Variants in EYS observed in about 807,000 individuals in gnomAD.
The protein encoded by EYS is EGF-like photoreceptor maintenance factor.
EYS carries 250 observed loss-of-function variants against 282.1 expected under a neutral mutation model. The ratio of observed to expected loss-of-function variants is 0.89; its 90% CI spans 0.80 to 0.98. The LOEUF (loss-of-function observed/expected upper bound fraction) is 0.98, where lower values mean the gene tolerates loss of function less well. Ranked by LOEUF, EYS falls within the 50% of genes least tolerant of loss-of-function variation. EYS has a pLI of 0.00. For synonymous variants in EYS, 1,355 were observed against 1,282.9 expected (o/e 1.06, Z -1.20); for missense variants, 4,016 against 3,709.0 (o/e 1.08, Z -2.15).
chr6:65,336,636 A>G (rs1476577661), intron 10 of EYS, among the ~76,000 whole-genome samples: 1 of 151,590 alleles, frequency 6.6e-6, no homozygotes, highest in African/African-American at 2.4e-5. Context: ...TTTATCCTTC[A>G]GTGGTTTACT....
chr6:65,274,590 C>T lies in EYS; in HGVS notation c.2023+21273G>A, dbSNP rs1582089507. Among the ~76,000 whole-genome samples the T allele has an allele frequency of 2.6e-5, 4 of 152,212 alleles. No homozygotes were observed. The South Asian group carries it at 8.3e-4, about 32-fold the overall frequency. On this transcript the variant is annotated intron_variant, in intron 12 of 42. Coordinates refer to ENST00000503581, the MANE Select transcript of EYS (RefSeq NM_001142800.2). ...CCAGAAGTATACTTTTTCTGTTTTA[C>T]CTCAGGGTTATAAAAATTCTTCAGG... is the stretch of plus-strand genomic sequence containing the variant.
intron 8 of EYS, among the ~76,000 whole-genome samples, chr6:65,378,202 C>A (rs869269046): frequency 6.6e-6 from 1 of 152,076 alleles, no homozygotes; most frequent in East Asian, 1.9e-4. Context: ...AAACAATCAA[C>A]CTCATCAAAA....
intron 31 of EYS, among the ~76,000 whole-genome samples, chr6:64,127,227 CA>C (rs1479673233): frequency 1.3e-5 from 2 of 152,104 alleles, no homozygotes; most frequent in Admixed American, 6.6e-5. Flanking sequence ...ACAGATTCAA[CA>C]TTAGTTACAT....
At chr6:65,073,537 T>C (rs1385558065) in intron 12 of EYS, among the ~76,000 whole-genome samples, 2 of 151,844 alleles carry the variant, frequency 1.3e-5, no homozygotes, top group East Asian at 1.9e-4. Context: ...GTGTATTGTA[T>C]ATAATGCCTA....
At chr6:65,065,546 C>G (rs1193687508) in intron 12 of EYS, among the ~76,000 whole-genome samples, 3 of 144,868 alleles carry the variant, frequency 2.1e-5, no homozygotes, top group Non-Finnish European at 4.6e-5. Flanking sequence ...CCACGCCTGG[C>G]TATTTTTTTT....
chr6:64,327,651 C>G (rs542028069), intron 29 of EYS, among the ~76,000 whole-genome samples: 1 of 152,230 alleles, frequency 6.6e-6, no homozygotes, highest in Admixed American at 6.5e-5. Flanking sequence ...TTGAGACCTA[C>G]TGTAAGACTC....
In EYS at chr6:64,817,629, G is replaced by A. The variant is rs150076558; in HGVS notation, c.3243+4016C>T. Among the ~76,000 whole-genome samples the A allele has an allele frequency of 1.6e-4, 24 of 152,166 alleles. No individual in the cohort carries two copies. The East Asian group carries it at 4.3e-3, about 27-fold the overall frequency. ...TCCCTCCACCCTCTTCTAGTCCACA[G>A]TGCCTATTAGTCCCATGTTTATCTC... is the stretch of plus-strand genomic sequence containing the variant. On this transcript the variant is annotated intron_variant, in intron 21 of 42. Coordinates refer to ENST00000503581, the MANE Select transcript of EYS (RefSeq NM_001142800.2).
chr6:64,072,179 T>C (rs1263572923), intron 32 of EYS, among the ~76,000 whole-genome samples: 1 of 151,932 alleles, frequency 6.6e-6, no homozygotes, highest in Non-Finnish European at 1.5e-5. Flanking sequence ...GATTTAATAA[T>C]TTAGAATAAC....
In EYS at chr6:65,123,753, C is replaced by CA. The variant is rs1491308316; in HGVS notation, c.2024-66027_2024-66026insT. ...TTCACCAGCTGACTTATAACACCCA[C>CA]CCACCCACACACACACACACACACA... On this transcript the variant is annotated intron_variant, in intron 12 of 42. Coordinates refer to ENST00000503581, the MANE Select transcript of EYS (RefSeq NM_001142800.2). 9.1e-3 allele frequency among the ~76,000 whole-genome samples: 1,106 copies of CA among 121,638 alleles called. 17 individuals carry two copies. Among genetic ancestry groups the CA allele is most frequent in the African/African-American group, 0.04 (1,024 of 25,452 alleles). The allele number at this position is 121,638 out of a possible 152,430, so 79.8% of individuals were successfully genotyped here. A position where few individuals can be genotyped will look rare whatever the true frequency, so the allele number is the denominator to read the frequency against.
chr6:64,298,948 A>G (rs2150371198), intron 30 of EYS, among the ~76,000 whole-genome samples: 1 of 152,370 alleles, frequency 6.6e-6, no homozygotes, highest in South Asian at 2.1e-4. Flanking sequence ...GAAGGACATT[A>G]TATGTTAATA....
chr6:64,693,333 C>T (rs1014780105), intron 22 of EYS, among the ~76,000 whole-genome samples: 8 of 151,492 alleles, frequency 5.3e-5, no homozygotes, highest in Admixed American at 2.6e-4. Context: ...CTGGAAAAAT[C>T]GAAATATTTC....
At position 64,388,609 on chromosome 6, in the gene EYS, T is replaced by C. The variant is rs1772989129; in HGVS notation, c.6078+81A>G. The C allele has an allele frequency of 3.8e-6, 5 of 1,303,212 alleles. No homozygotes were observed. In the South Asian group the frequency reaches 5.1e-5, roughly 13 times the overall value. The allele number at this position is 1,303,212 out of a possible 1,614,324, so 80.7% of individuals were successfully genotyped here. On this transcript the variant is annotated intron_variant, in intron 29 of 42. Coordinates refer to ENST00000503581, the MANE Select transcript of EYS (RefSeq NM_001142800.2). ...CACTAGCCAGAAAATATTTCTAAAG[T>C]TTTTCTTTTTCATTTATCAATATGA...
chr6:65,663,784 C>T (rs1043894663), intron 1 of EYS, among the ~76,000 whole-genome samples: 1 of 151,884 alleles, frequency 6.6e-6, no homozygotes, highest in African/African-American at 2.4e-5. Flanking sequence ...CGGGTTCAGG[C>T]CATTTCCTGC....
At chr6:65,199,781 G>A (rs967323561) in intron 12 of EYS, among the ~76,000 whole-genome samples, 3 of 151,940 alleles carry the variant, frequency 2.0e-5, no homozygotes, top group African/African-American at 7.2e-5. Flanking sequence ...AGCAAAACAA[G>A]GAAATGAAAA....
At chr6:64,063,976 C>T (rs1023941961) in intron 33 of EYS, among the ~76,000 whole-genome samples, 1 of 152,134 alleles carries the variant, frequency 6.6e-6, no homozygotes, top group Non-Finnish European at 1.5e-5. Flanking sequence ...GATCCAGCCA[C>T]CTCCCAAATG....
rs189217948 is a variant in EYS, at chr6:63,953,746, C to T, written c.7055+30637G>A. Reference sequence around the variant, plus strand: ...CCTAAAAACTGCTCCCATACTAGCTCTCCCTAACTCATCTCAACTCTTTTC... The same window carrying T: ...CCTAAAAACTGCTCCCATACTAGCTTTCCCTAACTCATCTCAACTCTTTTC... On this transcript the variant is annotated intron_variant, in intron 35 of 42. Coordinates refer to ENST00000503581, the MANE Select transcript of EYS (RefSeq NM_001142800.2). 2.1e-3 allele frequency among the ~76,000 whole-genome samples: 324 copies of T among 152,242 alleles called. 1 individual carries two copies. The highest frequency in any genetic ancestry group is 2.5e-3 in the Non-Finnish European group (168 of 68,030).
At chr6:65,045,488 C>T (rs532222534) in intron 13 of EYS, among the ~76,000 whole-genome samples, 1 of 151,908 alleles carries the variant, frequency 6.6e-6, no homozygotes, top group African/African-American at 2.4e-5. Context: ...GAGGGAAAAC[C>T]TCTCGAATAA....
intron 12 of EYS, among the ~76,000 whole-genome samples, chr6:65,214,664 A>G (rs1766267122): frequency 6.6e-6 from 1 of 152,246 alleles, no homozygotes. Context: ...TAGACAAAAA[A>G]GCCTTATATT....
At chr6:64,892,000 G>T (rs2150066294) in intron 18 of EYS, among the ~76,000 whole-genome samples, 1 of 151,828 alleles carries the variant, frequency 6.6e-6, no homozygotes, top group South Asian at 2.1e-4. Context: ...TTTCAAATAG[G>T]TGTTCAAGAT....
Sources: gnomAD v4.1 joint callset for allele counts (sites outside exome capture counted in the v4.1 genomes callset) on GRCh38, gnomAD v4.1.1 for gene constraint, MANE v1.5 for transcripts, NCBI Gene and HGNC (gene_info 2026-07-23, HGNC 2026-07-21) for gene names.